The following DNAAF11 variants were observed in gnomAD, a reference collection of about 807,000 sequenced individuals.
DNAAF11 encodes dynein axonemal assembly factor 11, also known as leucine rich repeat containing 6.
DNAAF11 carries 45 observed loss-of-function variants against 60.8 expected under a neutral mutation model. The ratio of observed to expected loss-of-function variants is 0.74; its 90% confidence interval spans 0.58 to 0.95. The LOEUF is 0.95. DNAAF11 is among the 40% of genes least tolerant of loss of function. DNAAF11 has a pLI of 0.00. For missense variants in DNAAF11, 546 were observed against 546.2 expected (o/e 1.00, Z 0.00); for synonymous variants, 191 against 183.5 (o/e 1.04, Z -0.33).
At chr8:132,583,895 T>G in intron 10 of DNAAF11, 116 bp from the exon 11 acceptor site, 2 of 710,576 alleles carry the variant, frequency 2.8e-6, no homozygotes, top group Non-Finnish European at 4.8e-6. Context: ...TCTCTACATA[T>G]TCCATGAAAG....
chr8:132,584,513 T>C (rs1024243082), intron 10 of DNAAF11, among the ~76,000 whole-genome samples: 3 of 152,148 alleles, frequency 2.0e-5, no homozygotes, highest in African/African-American at 7.2e-5. Context: ...TCACTTAATT[T>C]CTCCACCCCT....
chr8:132,617,128 T>C (rs1295332897), intron 7 of DNAAF11, among the ~76,000 whole-genome samples: 2 of 152,152 alleles, frequency 1.3e-5, no homozygotes, highest in East Asian at 3.9e-4. Context: ...AGGAACTATA[T>C]ATTCTTAACA....
At position 132,627,854 on chromosome 8, in the gene DNAAF11, C is replaced by G. The variant is rs920235091; in HGVS notation, c.654-2400G>C. Among the ~76,000 whole-genome samples, 9 of 152,274 alleles carry G rather than the reference C, an allele frequency of 5.9e-5. No homozygotes were observed. In the East Asian group the frequency reaches 1.5e-3, roughly 26 times the overall value. On this transcript the variant is annotated intron_variant, in intron 5 of 11. Coordinates refer to ENST00000620350, the MANE Select transcript of DNAAF11 (RefSeq NM_012472.6). Reference sequence around the variant, plus strand: ...TCCTATTATAACCTGGCTGCTGCTACCCTCGCTGGGACCAATATCCAGATA... The same window carrying G: ...TCCTATTATAACCTGGCTGCTGCTAGCCTCGCTGGGACCAATATCCAGATA...
rs1820945009 is a variant in DNAAF11 at position 132,632,906 on chromosome 8, A to G, written c.487T>C (p.Ser163Pro). The G allele has an allele frequency of 6.2e-7, 1 of 1,613,914 alleles. No homozygotes were observed. Among genetic ancestry groups the G allele is most frequent in the Non-Finnish European group, 8.5e-7 (1 of 1,179,928 alleles). The change falls in exon 5 of 12, where the codon TCA becomes CCA. Residue 163 changes from serine (S) to proline (P), a missense_variant. Transcript: ENST00000620350. ...SERIKALQDY[S>P]VIEPQIREQE... The stretch of plus-strand genomic sequence containing the variant: ...TCTCTGATTTGTGGTTCAATTACTG[A>G]ATAGTCCTGCAATGCCTTAATCCTT...
intron 3 of DNAAF11, among the ~76,000 whole-genome samples, chr8:132,651,583 G>C (rs1193926357): frequency 6.6e-6 from 1 of 152,168 alleles, no homozygotes; most frequent in Admixed American, 6.5e-5. Flanking sequence ...AGGCAGGAGG[G>C]GGGTTGGCCT....
At chr8:132,591,913 T>C (rs2131079479) in intron 10 of DNAAF11, among the ~76,000 whole-genome samples, 1 of 152,308 alleles carries the variant, frequency 6.6e-6, no homozygotes, top group East Asian at 1.9e-4. Flanking sequence ...AAAATTATTT[T>C]ATGTTTAGAA....
Position 132,621,194 on chromosome 8 carries a change from T to C in DNAAF11, c.914+1417A>G, listed in dbSNP as rs1286685513. On this transcript the variant is annotated intron_variant, in intron 7 of 11. Transcript: ENST00000620350. ...GCTGTAACTGCCCCTGTGGTGTATG[T>C]GGTGAGGAAGAACAGCTGTCAGCCA... 2.6e-5 allele frequency among the ~76,000 whole-genome samples: 4 copies of C among 151,910 alleles called. No individual in the cohort carries two copies. In the East Asian group the frequency reaches 5.8e-4, roughly 22 times the overall value.
chr8:132,572,798 C>T (rs1297441937), intron 11 of DNAAF11, among the ~76,000 whole-genome samples: 1 of 152,068 alleles, frequency 6.6e-6, no homozygotes, highest in Non-Finnish European at 1.5e-5. Context: ...TGAAATGATA[C>T]AGCAGGCAAC....
chr8:132,632,608 C>T (rs1820903306), intron 5 of DNAAF11, 132 bp downstream of exon 5: 2 of 673,372 alleles, frequency 3.0e-6, no homozygotes, highest in African/African-American at 3.6e-5. Flanking sequence ...ATTCTTCCAT[C>T]CAAAATTCAC....
rs1262763736 is a variant in DNAAF11 at position 132,661,639 on chromosome 8, T to C, written c.11-12A>G. ...AAGATCTTCTGTGACTGGAAGAAAA[T>C]GTGTTACATATTACATTTCTGTCCC... On this transcript the variant is annotated splice_polypyrimidine_tract_variant and intron_variant, in intron 1 of 11. Transcript: ENST00000620350. 3 of 1,610,232 alleles carry C rather than the reference T, an allele frequency of 1.9e-6. No individual in the cohort carries two copies. Among genetic ancestry groups the C allele is most frequent in the Admixed American group, 1.7e-5 (1 of 60,006 alleles).
chr8:132,574,999 T>C (rs1814591400), intron 11 of DNAAF11, among the ~76,000 whole-genome samples: 1 of 152,158 alleles, frequency 6.6e-6, no homozygotes, highest in African/African-American at 2.4e-5. Context: ...AAACAAACAG[T>C]TCTCTAGGTC....
chr8:132,605,152 G>C (rs1818007341), intron 10 of DNAAF11, among the ~76,000 whole-genome samples: 1 of 152,092 alleles, frequency 6.6e-6, no homozygotes, highest in Non-Finnish European at 1.5e-5. Context: ...TTTGAGGTCT[G>C]AATTACTACT....
chr8:132,575,008 T>C (rs1194566559), intron 11 of DNAAF11, among the ~76,000 whole-genome samples: 2 of 152,144 alleles, frequency 1.3e-5, no homozygotes, highest in Non-Finnish European at 2.9e-5. Flanking sequence ...GTTCTCTAGG[T>C]CAGCATGAAT....
intron 1 of DNAAF11, among the ~76,000 whole-genome samples, chr8:132,675,031 C>T (rs1460767630): frequency 6.6e-6 from 1 of 152,196 alleles, no homozygotes; most frequent in Non-Finnish European, 1.5e-5. Context: ...GGACTTCAAC[C>T]CTGGCTCCAG....
At chr8:132,640,598 C>A (rs375082831) in intron 3 of DNAAF11, among the ~76,000 whole-genome samples, 2 of 152,066 alleles carry the variant, frequency 1.3e-5, no homozygotes, top group Non-Finnish European at 2.9e-5. Context: ...AGGGTCAAGT[C>A]ATAAATTTAA....
At chr8:132,618,908 G>C (rs1819470647) in intron 7 of DNAAF11, among the ~76,000 whole-genome samples, 1 of 151,934 alleles carries the variant, frequency 6.6e-6, no homozygotes, top group Admixed American at 6.5e-5. Flanking sequence ...CAGGGATCTA[G>C]AACTAGAAAT....
rs1407065268 is a variant in DNAAF11, at chr8:132,675,467, G to C, written c.10+17C>G. ...ACAAGGGGAACGATCGAGGACGGAA[G>C]GTGGAGGGGGGCTTACTCCAGCCCA... On this transcript the variant is annotated intron_variant, in intron 1 of 11. Transcript: ENST00000620350. 18 of 1,562,476 alleles carry C rather than the reference G, an allele frequency of 1.2e-5. No individual in the cohort carries two copies. The highest frequency in any genetic ancestry group is 1.4e-5 in the Non-Finnish European group (16 of 1,150,728).
At chr8:132,606,626 C>T (rs1226200202) in intron 10 of DNAAF11, among the ~76,000 whole-genome samples, 2 of 152,156 alleles carry the variant, frequency 1.3e-5, no homozygotes, top group Non-Finnish European at 2.9e-5. Flanking sequence ...CTGCCTTAGC[C>T]TCCTGAGTAG....
chr8:132,606,527 T>C (rs1349326877), intron 10 of DNAAF11, among the ~76,000 whole-genome samples: 1 of 152,168 alleles, frequency 6.6e-6, no homozygotes, highest in African/African-American at 2.4e-5. Flanking sequence ...AAGGCTGGAG[T>C]GCAGTGGCAC....
Sources: allele counts gnomAD v4.1 joint callset (sites outside exome capture counted in the v4.1 genomes callset), GRCh38; gene constraint gnomAD v4.1.1; transcripts MANE v1.5; gene names NCBI Gene and HGNC (gene_info 2026-07-23, HGNC 2026-07-21).